NDE1: variants seen among roughly 807,000 people sequenced by gnomAD.
NDE1 encodes nudE neurodevelopment protein 1, also known as nuclear distribution protein nudE homolog 1.
In NDE1, 28 loss-of-function variants were observed where a neutral mutation model predicts 43.4. The observed-to-expected ratio is 0.65, with a 90% CI of 0.48 to 0.89. NDE1 has a LOEUF of 0.89. NDE1 is among the 40% of genes least tolerant of loss of function. NDE1 has a pLI of 0.00. For synonymous variants in NDE1, 184 were observed against 172.0 expected (o/e 1.07, Z -0.55); for missense variants, 441 against 434.1 (o/e 1.02, Z -0.14).
chr16:15,683,255 A>G (rs1194898413), intron 4 of NDE1: 1 of 152,132 alleles, frequency 6.6e-6, no homozygotes, highest in African/African-American at 2.4e-5. Flanking sequence ...CTATTTAAGT[A>G]TTTTCAGGTT....
chr16:15,643,421 T>A (rs1423089806), exon 1 of NDE1: 3 of 464,584 alleles, frequency 6.5e-6, no homozygotes, highest in Non-Finnish European at 1.3e-5. Context: ...CGTTGTGGAG[T>A]CGAAAGGAAC....
chr16:15,657,155 T>C (rs1007212759), intron 1 of NDE1, among the ~76,000 whole-genome samples: 2 of 151,994 alleles, frequency 1.3e-5, no homozygotes, highest in African/African-American at 2.4e-5. Context: ...TGGAGTGCAA[T>C]GGCGTGATCT....
intron 8 of NDE1, chr16:15,704,192 T>C (rs1012172524): frequency 8.3e-5 from 132 of 1,593,068 alleles, no homozygotes; most frequent in Non-Finnish European, 1.1e-4. Context: ...TTTTTATAAA[T>C]CTATTTTAAA....
intron 7 of NDE1, among the ~76,000 whole-genome samples, chr16:15,695,199 C>G (rs1016879750): frequency 1.4e-5 from 2 of 140,514 alleles, no homozygotes; most frequent in African/African-American, 5.8e-5. Flanking sequence ...AAAAAAACTG[C>G]CACCTTTTTT....
At chr16:15,674,318 A>G (rs1262715467) in intron 3 of NDE1, among the ~76,000 whole-genome samples, 2 of 151,848 alleles carry the variant, frequency 1.3e-5, no homozygotes, top group African/African-American at 2.4e-5. Flanking sequence ...ATCTCTGCTC[A>G]CTGCAACCTC....
chr16:15,719,000 C>G, intron 8 of NDE1: 2 of 593,006 alleles, frequency 3.4e-6, no homozygotes, highest in Non-Finnish European at 6.1e-6. Flanking sequence ...TGGTGGTACA[C>G]ACCTGTAGTC....
intron 8 of NDE1, among the ~76,000 whole-genome samples, chr16:15,698,931 CTGGAGTGCAGTGG>C: frequency 6.6e-6 from 1 of 152,202 alleles, no homozygotes. Context: ...GTCACCCAGG[CTGGAGTGCAGTGG>C]TGCGACCATA....
At chr16:15,696,012 C>T (rs2038991005) in intron 7 of NDE1, 2 of 150,142 alleles carry the variant, frequency 1.3e-5, no homozygotes, top group East Asian at 1.9e-4. Flanking sequence ...TTCCAGAAAG[C>T]TCCCATTTTA....
intron 7 of NDE1, 165 bp downstream of exon 7, chr16:15,694,421 C>T (rs1046502822): frequency 3.4e-6 from 5 of 1,486,836 alleles, no homozygotes; most frequent in Non-Finnish European, 3.6e-6. Flanking sequence ...TCACAACTCA[C>T]TGCAGCCTCA....
chr16:15,723,733 G>A (rs1182089784), intron 8 of NDE1, among the ~76,000 whole-genome samples: 1 of 152,166 alleles, frequency 6.6e-6, no homozygotes, highest in Non-Finnish European at 1.5e-5. Context: ...GTACAATTCT[G>A]TCAACTTTGC....
chr16:15,715,009 T>TG, intron 8 of NDE1: 1 of 1,613,978 alleles, frequency 6.2e-7, no homozygotes, highest in Non-Finnish European at 8.5e-7. Context: ...TTGGCGTTGA[T>TG]GCGCTGGGAC....
At chr16:15,651,682 C>G (rs2036513455) in intron 1 of NDE1, 1 of 152,160 alleles carries the variant, frequency 6.6e-6, no homozygotes, top group Non-Finnish European at 1.5e-5. Context: ...ACCTCGTGAT[C>G]TGCCCCCTCG....
At chr16:15,677,984 TCTC>T in intron 4 of NDE1, 35 bp downstream of exon 4, 1 of 1,612,780 alleles carries the variant, frequency 6.2e-7, no homozygotes, top group East Asian at 2.2e-5. Flanking sequence ...AGTGGGAGAC[TCTC>T]CTCTCTGCTT....
intron 3 of NDE1, among the ~76,000 whole-genome samples, chr16:15,676,936 A>T (rs1166543317): frequency 6.6e-6 from 1 of 152,114 alleles, no homozygotes; most frequent in African/African-American, 2.4e-5. Flanking sequence ...TGCCGTGTGG[A>T]TGAGGCTTGG....
intron 8 of NDE1, among the ~76,000 whole-genome samples, chr16:15,722,174 G>A (rs775153068): frequency 1.3e-5 from 2 of 152,028 alleles, no homozygotes; most frequent in Non-Finnish European, 2.9e-5. Flanking sequence ...CTTGTGCTTC[G>A]AAACCACTAG....
chr16:15,671,994 A>G (rs1422666591), intron 3 of NDE1, among the ~76,000 whole-genome samples: 1 of 152,040 alleles, frequency 6.6e-6, no homozygotes, highest in Non-Finnish European at 1.5e-5. Context: ...GGCTGATTAT[A>G]GTTCCTAAAT....
chr16:15,693,108 T>C (rs1179223569), intron 6 of NDE1, among the ~76,000 whole-genome samples: 1 of 151,520 alleles, frequency 6.6e-6, no homozygotes, highest in Non-Finnish European at 1.5e-5. Context: ...TTCAAGCGAT[T>C]CTCATGCCTC....
chr16:15,657,485 A>G lies in NDE1; in HGVS notation c.-44+7191A>G, dbSNP rs1442186121. ...GCTATAGAATTGGTTTGATGAGTAC[A>G]TATTACATGAGATCTGGGCTCATTA... On this transcript the variant is annotated intron_variant, in intron 1 of 8. Transcript: ENST00000396354. Among the ~76,000 whole-genome samples, 3 of 152,190 alleles carry G rather than the reference A, an allele frequency of 2.0e-5. No individual in the cohort carries two copies. In the East Asian group the frequency reaches 5.8e-4, roughly 29 times the overall value.
intron 3 of NDE1, among the ~76,000 whole-genome samples, chr16:15,676,345 G>T (rs1291044246): frequency 6.6e-6 from 1 of 151,228 alleles, no homozygotes; most frequent in African/African-American, 2.4e-5. Flanking sequence ...GAGTAGCTGG[G>T]ATTATAGGCA....
Sources: allele counts gnomAD v4.1 joint callset (sites outside exome capture counted in the v4.1 genomes callset), GRCh38; gene constraint gnomAD v4.1.1; transcripts MANE v1.5; gene names NCBI Gene and HGNC (gene_info 2026-07-23, HGNC 2026-07-21).